PIAS4: variants seen among roughly 807,000 people sequenced by gnomAD.
PIAS4 encodes the protein protein inhibitor of activated STAT 4, also known as E3 SUMO-protein ligase PIAS4.
A neutral mutation model predicts 58.0 loss-of-function variants in PIAS4; 7 were observed. That is an observed-to-expected ratio of 0.12 (90% CI 0.07 to 0.23). The LOEUF is 0.23. PIAS4 is among the 10% of genes least tolerant of loss of function. The pLI is 1.00. For synonymous variants in PIAS4, 364 were observed against 312.4 expected (o/e 1.17, Z -1.74); for missense variants, 550 against 709.5 (o/e 0.78, Z 2.55).
chr19:4,028,968 C>G lies in PIAS4; in HGVS notation c.839C>G (p.Thr280Ser), dbSNP rs1238753773. The change falls in exon 7 of 11, where the codon ACC becomes AGC. Residue 280 changes from threonine to serine, a missense_variant. Thr to Ser is a moderately conservative substitution (Grantham distance 58). Coordinates refer to ENST00000262971, the MANE Select transcript of PIAS4 (RefSeq NM_015897.4). The stretch of plus-strand genomic sequence containing the variant: ...GCCCTGTACCTGGTGCGGCAGCTGA[C>G]CTCATCGGAGCTGCTGCAGAGGCTG... ...SVALYLVRQL[T>S]SSELLQRLKT... The G allele has an allele frequency of 6.2e-7, 1 of 1,611,558 alleles. No individual in the cohort carries two copies. The highest frequency in any genetic ancestry group is 2.2e-5 in the East Asian group (1 of 44,834).
At chr19:4,009,300 G>A (rs935340656) in intron 1 of PIAS4, among the ~76,000 whole-genome samples, 8 of 152,066 alleles carry the variant, frequency 5.3e-5, no homozygotes, top group African/African-American at 9.7e-5. Flanking sequence ...ACACCCCTGC[G>A]CACACTTCTG....
At chr19:4,011,827 G>T (rs796558597) in intron 1 of PIAS4, among the ~76,000 whole-genome samples, 16 of 38,180 alleles carry the variant, frequency 4.2e-4, no homozygotes, top group South Asian at 1.6e-3. Context: ...GGAGGTGTGT[G>T]GGGTGTGGAG....
intron 1 of PIAS4, among the ~76,000 whole-genome samples, chr19:4,010,281 G>A (rs2144902382): frequency 6.6e-6 from 1 of 152,300 alleles, no homozygotes; most frequent in Admixed American, 6.5e-5. Flanking sequence ...CCACCTAAGG[G>A]GTGTGCTCCG....
chr19:4,034,050 C>T (rs983365872), intron 9 of PIAS4, among the ~76,000 whole-genome samples: 3 of 152,244 alleles, frequency 2.0e-5, no homozygotes, highest in Non-Finnish European at 4.4e-5. Flanking sequence ...GCCAGGCATT[C>T]CCCAGGCCAC....
At chr19:4,008,272 C>T (rs1455657984) in intron 1 of PIAS4, among the ~76,000 whole-genome samples, 1 of 152,110 alleles carries the variant, frequency 6.6e-6, no homozygotes, top group African/African-American at 2.4e-5. Flanking sequence ...CCCAACAGGC[C>T]AGGCTGGGGT....
At chr19:4,015,367 A>G (rs1456742761) in intron 2 of PIAS4, among the ~76,000 whole-genome samples, 1 of 152,092 alleles carries the variant, frequency 6.6e-6, no homozygotes, top group African/African-American at 2.4e-5. Context: ...GCCCTGAGCC[A>G]CCAGGGACCC....
intron 9 of PIAS4, among the ~76,000 whole-genome samples, chr19:4,034,004 C>T (rs1432993982): frequency 1.3e-5 from 2 of 150,940 alleles, no homozygotes; most frequent in African/African-American, 5.0e-5. Context: ...ACTCTGGCTA[C>T]GCCATGCCCT....
In PIAS4 at chr19:4,026,073, C is replaced by CAAAAA. The variant is rs34554020; in HGVS notation, c.539+1969_539+1973dup. On this transcript the variant is annotated intron_variant, in intron 3 of 10. Coordinates refer to ENST00000262971, the MANE Select transcript of PIAS4 (RefSeq NM_015897.4). ...TGGGCAACAAAGGGAGACTCCGTCTCAAAAAAAAAAAAAAAAAAAAGTTTG... is the reference window on the plus strand; with the variant it reads ...TGGGCAACAAAGGGAGACTCCGTCTCAAAAAAAAAAAAAAAAAAAAAAAAAGTTTG... Among the ~76,000 whole-genome samples the CAAAAA allele has an allele frequency of 4.5e-3, 349 of 76,740 alleles. 10 individuals carry two copies. Among genetic ancestry groups the CAAAAA allele is most frequent in the African/African-American group, 0.02 (328 of 16,510 alleles). 50.3% of individuals were successfully genotyped at this position (76,740 alleles called of 152,430 possible). A position where few individuals can be genotyped will look rare whatever the true frequency, so the allele number is the denominator to read the frequency against.
At position 4,013,576 on chromosome 19, in the gene PIAS4, A is replaced by C. The variant is rs1449278027; in HGVS notation, c.454+227A>C. Among the ~76,000 whole-genome samples, 2 of 152,158 alleles carry C rather than the reference A, an allele frequency of 1.3e-5. No homozygotes were observed. Among genetic ancestry groups the C allele is most frequent in the Non-Finnish European group, 2.9e-5 (2 of 68,026 alleles). On this transcript the variant is annotated intron_variant, in intron 2 of 10. Coordinates refer to ENST00000262971, the MANE Select transcript of PIAS4 (RefSeq NM_015897.4). The surrounding 1 kb of genome is among the most constrained non-coding windows in gnomAD (Gnocchi z 5.1). Reference sequence around the variant, plus strand: ...ACCCCGAAATGGAGCCACTGGAAGCAGGGGGCGTCTGTTAGCTCTCAGGAA... The same window carrying C: ...ACCCCGAAATGGAGCCACTGGAAGCCGGGGGCGTCTGTTAGCTCTCAGGAA...
intron 1 of PIAS4, among the ~76,000 whole-genome samples, chr19:4,011,513 CGATGAGGGCCAGGT>C (rs2144904211): frequency 6.6e-6 from 1 of 152,368 alleles, no homozygotes; most frequent in East Asian, 1.9e-4. Flanking sequence ...CCCGGCCAGG[CGATGAGGGCCAGGT>C]CCTGCCAAGC....
chr19:4,010,619 C>T (rs898762791), intron 1 of PIAS4, among the ~76,000 whole-genome samples: 2 of 152,240 alleles, frequency 1.3e-5, no homozygotes, highest in Non-Finnish European at 2.9e-5. Context: ...GTCCCCCGGG[C>T]AGCAGACGGG....
At position 4,037,770 on chromosome 19, in the gene PIAS4, G is replaced by A. The variant is rs746927508; in HGVS notation, c.1428G>A (p.Ser476=). The change falls in exon 11 of 11, where the codon TCG becomes TCA. Residue 476 remains serine (S), a synonymous_variant. Transcript: ENST00000262971. The surrounding 1 kb of genome is among the most constrained non-coding windows in gnomAD (Gnocchi z 5.8). ...TCACGCTGGACAGCTCATCGTCCTC[G>A]GAGGATGAGGAGGAGGAGGAAGAGG... ...VDLTLDSSSS[S]EDEEEEEEEE... is the part of the protein sequence containing the mutation. 29 of 1,604,048 alleles carry A rather than the reference G, an allele frequency of 1.8e-5. No individual in the cohort carries two copies. The highest frequency in any genetic ancestry group is 4.5e-5 in the East Asian group (2 of 44,590).
At chr19:4,011,111 G>A (rs1046116589) in intron 1 of PIAS4, among the ~76,000 whole-genome samples, 3 of 152,244 alleles carry the variant, frequency 2.0e-5, no homozygotes, top group East Asian at 1.9e-4. Context: ...CTGGCACGGA[G>A]GCTGCAGTTT....
rs578154217 is a variant in PIAS4, at chr19:4,022,900, C to T, written c.455-1136C>T. Among the ~76,000 whole-genome samples the T allele has an allele frequency of 3.6e-4, 54 of 151,518 alleles. No homozygotes were observed. The East Asian group carries it at 5.5e-3, about 16-fold the overall frequency. On this transcript the variant is annotated intron_variant, in intron 2 of 10. Coordinates refer to ENST00000262971, the MANE Select transcript of PIAS4 (RefSeq NM_015897.4). ...TTTAAGAGATGCGGCAGCCAGGCGC[C>T]GTAGCTCATGCCTGTAATTCCAGCA...
chr19:4,019,827 C>G (rs371352325), intron 2 of PIAS4, among the ~76,000 whole-genome samples: 1 of 152,230 alleles, frequency 6.6e-6, no homozygotes, highest in Admixed American at 6.5e-5. Context: ...GCACCGGTCC[C>G]CGAAGAAACA....
chr19:4,024,339 T>G (rs2028826), intron 3 of PIAS4, among the ~76,000 whole-genome samples: 2 of 152,214 alleles, frequency 1.3e-5, no homozygotes, highest in Non-Finnish European at 2.9e-5. Context: ...CCCTGCAGCC[T>G]GCTAGAGAGA....
At chr19:4,027,162 AT>A (rs1251168003) in intron 3 of PIAS4, among the ~76,000 whole-genome samples, 3 of 151,816 alleles carry the variant, frequency 2.0e-5, no homozygotes, top group Non-Finnish European at 4.4e-5. Flanking sequence ...TAATTTTTGT[AT>A]TTTTAGTAGA....
chr19:4,033,470 C>T lies in PIAS4; in HGVS notation c.1032C>T (p.His344=), dbSNP rs2040243722. The change falls in exon 9 of 11, where the codon CAC becomes CAT. Residue 344 remains histidine, a synonymous_variant. Transcript: ENST00000262971. ...SVPCRAETCA[H]LQCFDAVFYL... ...CCTGCCGGGCAGAGACCTGTGCCCA[C>T]CTGCAGTGCTTCGACGCCGTCTTCT... 1 of 1,573,800 alleles carries T rather than the reference C, an allele frequency of 6.4e-7. No individual in the cohort carries two copies. Among genetic ancestry groups the T allele is most frequent in the South Asian group, 1.2e-5 (1 of 85,862 alleles).
intron 4 of PIAS4, 44 bp from the exon 5 acceptor site, chr19:4,028,466 C>G: frequency 6.9e-7 from 1 of 1,440,194 alleles, no homozygotes; most frequent in Non-Finnish European, 9.7e-7. Flanking sequence ...CTAGTCCCTC[C>G]TGTGCGCCCC....
Sources: allele counts gnomAD v4.1 joint callset (sites outside exome capture counted in the v4.1 genomes callset), GRCh38; gene constraint gnomAD v4.1.1; non-coding constraint Gnocchi (gnomAD v3.1); transcripts MANE v1.5; gene names NCBI Gene and HGNC (gene_info 2026-07-23, HGNC 2026-07-21).